SPATA16: variants seen among roughly 807,000 people sequenced by gnomAD.
SPATA16 encodes the protein spermatogenesis associated 16.
In SPATA16, 36 loss-of-function variants were observed where a neutral mutation model predicts 63.3. The observed-to-expected ratio is 0.57, with a 90% CI of 0.44 to 0.75. SPATA16 has a LOEUF of 0.75. Ranked by LOEUF, SPATA16 falls within the 30% of genes least tolerant of loss-of-function variation. The pLI, the probability that SPATA16 is intolerant of heterozygous loss-of-function variation, is 0.00. For missense variants in SPATA16, 646 were observed against 679.3 expected (o/e 0.95, Z 0.54); for synonymous variants, 203 against 216.7 (o/e 0.94, Z 0.56).
intron 2 of SPATA16, among the ~76,000 whole-genome samples, chr3:173,110,156 A>C (rs908853495): frequency 6.6e-6 from 1 of 152,206 alleles, no homozygotes; most frequent in African/African-American, 2.4e-5. Context: ...AACAACGACA[A>C]CAACAATCAA....
chr3:172,924,182 C>G (rs748854189), intron 8 of SPATA16, 26 bp downstream of exon 8: 10 of 1,526,850 alleles, frequency 6.5e-6, no homozygotes, highest in Non-Finnish European at 8.2e-6. Context: ...GTACATTGGA[C>G]AAATATAAAA....
chr3:173,128,304 T>TTA (rs1221195888), intron 1 of SPATA16, among the ~76,000 whole-genome samples: 46 of 152,310 alleles, frequency 3.0e-4, no homozygotes, highest in African/African-American at 1.0e-3. Context: ...GGTGCTGACT[T>TTA]TATATATCCC....
At chr3:173,095,477 T>C (rs1470926714) in intron 2 of SPATA16, among the ~76,000 whole-genome samples, 1 of 152,158 alleles carries the variant, frequency 6.6e-6, no homozygotes, top group East Asian at 1.9e-4. Context: ...ATGTCAGCTA[T>C]CTATAAATTT....
intron 2 of SPATA16, among the ~76,000 whole-genome samples, chr3:173,103,682 C>T (rs1200850331): frequency 6.6e-6 from 1 of 152,200 alleles, no homozygotes. Flanking sequence ...GGCCTCAAGG[C>T]CTGTGATAGG....
chr3:172,956,620 T>C, intron 6 of SPATA16, 57 bp downstream of exon 6: 1 of 1,566,644 alleles, frequency 6.4e-7, no homozygotes, highest in African/African-American at 1.4e-5. Context: ...AAGAACCCTG[T>C]ATTTGTTTTA....
At chr3:173,111,704 A>G (rs1228020060) in intron 2 of SPATA16, among the ~76,000 whole-genome samples, 1 of 152,176 alleles carries the variant, frequency 6.6e-6, no homozygotes, top group Non-Finnish European at 1.5e-5. Flanking sequence ...TATCTTTTCT[A>G]CTTCATTAAA....
At chr3:173,113,650 A>T (rs1737808618) in intron 2 of SPATA16, among the ~76,000 whole-genome samples, 1 of 152,224 alleles carries the variant, frequency 6.6e-6, no homozygotes, top group Non-Finnish European at 1.5e-5. Context: ...TATGAAAATA[A>T]AAGGAGTTAG....
intron 2 of SPATA16, among the ~76,000 whole-genome samples, chr3:173,114,001 G>A (rs1737819416): frequency 6.6e-6 from 1 of 152,076 alleles, no homozygotes; most frequent in Admixed American, 6.6e-5. Flanking sequence ...TCAATACGGT[G>A]AAACCCTGTC....
At chr3:173,094,241 C>A (rs969602297) in intron 2 of SPATA16, among the ~76,000 whole-genome samples, 2 of 152,108 alleles carry the variant, frequency 1.3e-5, no homozygotes, top group Admixed American at 1.3e-4. Flanking sequence ...CCAATTTTAT[C>A]ACCATAAGAA....
rs1371382963 is a variant in SPATA16 at position 173,021,828 on chromosome 3, TGTTTA to T, written c.759-2258_759-2254del. Among the ~76,000 whole-genome samples, 4 of 152,058 alleles carry T rather than the reference TGTTTA, an allele frequency of 2.6e-5. 1 individual carries two copies. The highest frequency in any genetic ancestry group is 5.9e-5 in the Non-Finnish European group (4 of 67,996). On this transcript the variant is annotated intron_variant, in intron 3 of 10. Transcript: ENST00000351008. ...CTTTATTCACTTATTCACTCATGCA[TGTTTA>T]GTTAGCATCTACAAATTTGATGGGA...
intron 3 of SPATA16, among the ~76,000 whole-genome samples, chr3:173,038,436 G>A (rs927849203): frequency 1.1e-4 from 16 of 152,022 alleles, no homozygotes; most frequent in Admixed American, 7.9e-4. Flanking sequence ...ATTTGGAAAT[G>A]TGGATAGTCT....
chr3:172,976,493 A>G (rs1351207132), intron 5 of SPATA16, among the ~76,000 whole-genome samples: 1 of 152,128 alleles, frequency 6.6e-6, no homozygotes, highest in Non-Finnish European at 1.5e-5. Flanking sequence ...GCCATTTTGA[A>G]TAATAAATGA....
At chr3:172,979,040 A>G (rs1431811602) in intron 4 of SPATA16, among the ~76,000 whole-genome samples, 1 of 152,172 alleles carries the variant, frequency 6.6e-6, no homozygotes, top group Non-Finnish European at 1.5e-5. Context: ...GATCGAGACC[A>G]TCCTGGCTAA....
chr3:173,112,221 T>C (rs1459750131), intron 2 of SPATA16, among the ~76,000 whole-genome samples: 2 of 152,210 alleles, frequency 1.3e-5, no homozygotes, highest in African/African-American at 2.4e-5. Flanking sequence ...AGAAATTCTT[T>C]CCTATAAAAT....
intron 1 of SPATA16, among the ~76,000 whole-genome samples, chr3:173,124,900 A>G (rs920139757): frequency 6.6e-6 from 1 of 152,010 alleles, no homozygotes; most frequent in Non-Finnish European, 1.5e-5. Flanking sequence ...GATTTTGTCC[A>G]GTTCTATGGC....
chr3:173,037,505 G>A (rs894799036), intron 3 of SPATA16, among the ~76,000 whole-genome samples: 1 of 152,024 alleles, frequency 6.6e-6, no homozygotes, highest in Non-Finnish European at 1.5e-5. Flanking sequence ...TGTCTTCTGT[G>A]TCAAAGTCAT....
intron 2 of SPATA16, among the ~76,000 whole-genome samples, chr3:173,049,949 G>T (rs1190175363): frequency 6.6e-6 from 1 of 152,014 alleles, no homozygotes; most frequent in Non-Finnish European, 1.5e-5. Flanking sequence ...CCTTATTCAG[G>T]ATATCGCCTT....
intron 3 of SPATA16, among the ~76,000 whole-genome samples, chr3:173,047,745 A>AT (rs200825700): frequency 6.6e-5 from 10 of 151,794 alleles, no homozygotes; most frequent in South Asian, 6.2e-4. Context: ...ATATATCTTG[A>AT]TTTTTTTTTA....
At chr3:173,052,190 A>G (rs1736116386) in intron 2 of SPATA16, among the ~76,000 whole-genome samples, 1 of 152,204 alleles carries the variant, frequency 6.6e-6, no homozygotes, top group Non-Finnish European at 1.5e-5. Context: ...CATGGCAGGC[A>G]GGAGGAAGCC....
Sources: allele counts gnomAD v4.1 joint callset (sites outside exome capture counted in the v4.1 genomes callset), GRCh38; gene constraint gnomAD v4.1.1; transcripts MANE v1.5; gene names NCBI Gene and HGNC (gene_info 2026-07-23, HGNC 2026-07-21).